The following ACACA variants were observed in gnomAD, a reference collection of about 807,000 sequenced individuals.
The protein encoded by ACACA is acetyl-CoA carboxylase alpha.
ACACA carries 103 observed loss-of-function variants against 296.1 expected under a neutral mutation model. That is an observed-to-expected ratio of 0.35 (90% CI 0.30 to 0.41). The LOEUF is 0.41. Ranked by LOEUF, ACACA falls within the 10% of genes least tolerant of loss-of-function variation. The pLI is 1.00. For missense variants in ACACA, 1,554 were observed against 2,989.7 expected (o/e 0.52, Z 11.20); for synonymous variants, 953 against 1,038.6 (o/e 0.92, Z 1.58).
intron 43 of ACACA, among the ~76,000 whole-genome samples, chr17:37,151,639 C>A (rs1283324373): frequency 6.6e-6 from 1 of 151,970 alleles, no homozygotes; most frequent in African/African-American, 2.4e-5. Context: ...ATAGAAAGAG[C>A]GAAATCTGGA....
intron 3 of ACACA, among the ~76,000 whole-genome samples, chr17:37,323,620 A>G (rs944310740): frequency 1.3e-5 from 2 of 152,206 alleles, no homozygotes; most frequent in Admixed American, 6.5e-5. Flanking sequence ...TACATTTAGC[A>G]TAGGATAAAA....
At chr17:37,262,283 CTG>C (rs2081548635) in intron 11 of ACACA, among the ~76,000 whole-genome samples, 1 of 152,156 alleles carries the variant, frequency 6.6e-6, no homozygotes, top group South Asian at 2.1e-4. Flanking sequence ...AATTGTGTAA[CTG>C]AATTTTGTCC....
intron 1 of ACACA, among the ~76,000 whole-genome samples, chr17:37,356,035 T>C (rs901650909): frequency 1.3e-5 from 2 of 151,542 alleles, no homozygotes; most frequent in Non-Finnish European, 2.9e-5. Flanking sequence ...CCGGGCATGG[T>C]GGCGCACACC....
chr17:37,368,931 C>T (rs2049703879), intron 1 of ACACA, among the ~76,000 whole-genome samples: 1 of 152,084 alleles, frequency 6.6e-6, no homozygotes, highest in Non-Finnish European at 1.5e-5. Flanking sequence ...TTGTACATAC[C>T]CTACATACCC....
chr17:37,335,761 C>CT (rs1351272331), intron 2 of ACACA, among the ~76,000 whole-genome samples: 2 of 152,210 alleles, frequency 1.3e-5, no homozygotes, highest in Non-Finnish European at 2.9e-5. Context: ...CGCTGATACC[C>CT]TGGTCACCTT....
At chr17:37,306,343 C>T (rs1403836004) in intron 3 of ACACA, among the ~76,000 whole-genome samples, 1 of 152,154 alleles carries the variant, frequency 6.6e-6, no homozygotes, top group African/African-American at 2.4e-5. Context: ...TGCCAGTCTC[C>T]TCATTCAGCT....
Position 37,204,450 on chromosome 17 carries a change from T to C in ACACA, c.4056+1315A>G, listed in dbSNP as rs1383354376. 3.9e-5 allele frequency among the ~76,000 whole-genome samples: 6 copies of C among 152,214 alleles called. No individual in the cohort carries two copies. The East Asian group carries it at 9.6e-4, about 24-fold the overall frequency. ...TTCTCTGAGCTCCAGCTTTTGCCCA[T>C]GTGTACAACTGGAACAATTCCTGAC... On this transcript the variant is annotated intron_variant, in intron 33 of 55. Coordinates refer to ENST00000616317, the MANE Select transcript of ACACA (RefSeq NM_198834.3).
intron 51 of ACACA, among the ~76,000 whole-genome samples, chr17:37,112,006 A>G (rs2073997170): frequency 6.6e-6 from 1 of 152,080 alleles, no homozygotes; most frequent in Admixed American, 6.6e-5. Flanking sequence ...AACCACCTCC[A>G]TCACGTAGGA....
intron 1 of ACACA, chr17:37,385,906 C>T (rs1200884351): frequency 1.3e-6 from 1 of 744,924 alleles, no homozygotes; most frequent in Non-Finnish European, 2.2e-6. Flanking sequence ...AATGGGACCA[C>T]AATTGGAAGT....
intron 25 of ACACA, among the ~76,000 whole-genome samples, chr17:37,229,389 C>T (rs138792194): frequency 0.022 from 3,346 of 151,754 alleles, 116 homozygotes; most frequent in African/African-American, 0.076. Flanking sequence ...CTGCAAGCTC[C>T]GCCTCCGGGG....
intron 25 of ACACA, among the ~76,000 whole-genome samples, chr17:37,232,351 G>A (rs79166229): frequency 0.012 from 1,775 of 152,292 alleles, 43 homozygotes; most frequent in African/African-American, 0.039. Context: ...AGGGGAACCA[G>A]CAGAGAACAC....
chr17:37,313,708 T>C (rs1231305539), intron 3 of ACACA, among the ~76,000 whole-genome samples: 1 of 152,160 alleles, frequency 6.6e-6, no homozygotes, highest in Non-Finnish European at 1.5e-5. Context: ...AGGGAACCCT[T>C]GTATTGGTGG....
intron 24 of ACACA, among the ~76,000 whole-genome samples, chr17:37,238,300 AAATG>A (rs1165157735): frequency 6.9e-6 from 1 of 145,306 alleles, no homozygotes; most frequent in African/African-American, 2.5e-5. Context: ...TTTTTTTTTT[AAATG>A]AATAACCCAT....
intron 1 of ACACA, chr17:37,389,411 T>A (rs1207382246): frequency 2.6e-6 from 4 of 1,547,636 alleles, no homozygotes; most frequent in Non-Finnish European, 3.5e-6. Flanking sequence ...GAAGGTGGGG[T>A]AGGGGCCGGG....
At chr17:37,316,334 C>CACACACACACACA (rs1458823039) in intron 3 of ACACA, among the ~76,000 whole-genome samples, 7 of 145,598 alleles carry the variant, frequency 4.8e-5, no homozygotes, top group African/African-American at 8.4e-5. Context: ...CACACACACA[C>CACACACACACACA]CCCTAACTTT....
At chr17:37,258,914 A>G (rs1227348014) in intron 12 of ACACA, among the ~76,000 whole-genome samples, 1 of 152,230 alleles carries the variant, frequency 6.6e-6, no homozygotes, top group Non-Finnish European at 1.5e-5. Flanking sequence ...AATAATATTG[A>G]CAGCAAGCAC....
chr17:37,214,295 C>T (rs902684146), intron 29 of ACACA, among the ~76,000 whole-genome samples: 3 of 152,340 alleles, frequency 2.0e-5, no homozygotes, highest in South Asian at 2.1e-4. Context: ...GCATCTCCCC[C>T]ACCACCTCCT....
At chr17:37,131,772 G>T (rs1215534101) in intron 45 of ACACA, among the ~76,000 whole-genome samples, 2 of 152,236 alleles carry the variant, frequency 1.3e-5, no homozygotes, top group Non-Finnish European at 2.9e-5. Flanking sequence ...GCTAGGAAGG[G>T]CATAAGATAC....
At chr17:37,381,834 G>A (rs113814552) in intron 1 of ACACA, among the ~76,000 whole-genome samples, 15,411 of 151,406 alleles carry the variant, frequency 0.1, 1,065 homozygotes, top group African/African-American at 0.18. Context: ...TCACCGTGTT[G>A]GCCAGGATGG....
Sources: gnomAD v4.1 joint callset for allele counts (sites outside exome capture counted in the v4.1 genomes callset) on GRCh38, gnomAD v4.1.1 for gene constraint, MANE v1.5 for transcripts, NCBI Gene and HGNC (gene_info 2026-07-23, HGNC 2026-07-21) for gene names.